Variants in RAD54B observed in about 807,000 individuals in gnomAD.
The protein encoded by RAD54B is DNA repair and recombination protein RAD54B.
A neutral mutation model predicts 95.8 loss-of-function variants in RAD54B; 78 were observed. The ratio of observed to expected loss-of-function variants is 0.81; its 90% CI spans 0.68 to 0.98. RAD54B has a LOEUF of 0.98. RAD54B is among the 50% of genes least tolerant of loss of function. The pLI is 0.00. For missense variants in RAD54B, 957 were observed against 1,056.6 expected (o/e 0.91, Z 1.31); for synonymous variants, 328 against 354.9 (o/e 0.92, Z 0.85).
chr8:94,406,839 C>T (rs775334598), intron 5 of RAD54B, among the ~76,000 whole-genome samples: 3 of 152,026 alleles, frequency 2.0e-5, no homozygotes, highest in Non-Finnish European at 4.4e-5. Flanking sequence ...ATCTTTAGGC[C>T]CAACCCATAA....
At position 94,407,449 on chromosome 8, in the gene RAD54B, TG is replaced by T. The variant is rs1474810597; in HGVS notation, c.770del (p.Pro257HisfsTer30). The T allele has an allele frequency of 6.2e-6, 10 of 1,610,996 alleles. No homozygotes were observed. Among genetic ancestry groups the T allele is most frequent in the Non-Finnish European group, 7.6e-6 (9 of 1,177,586 alleles). ...TTTTTAAAATCTTACTTGGCGTATA[TG>T]GGTCATGGCGTGGTTTGCAATTTTG... ...DFQNCKPRHD[P>X]YTPNSLVMPR... On this transcript the variant is annotated frameshift_variant, in exon 5 of 15. Coordinates refer to ENST00000336148, the MANE Select transcript of RAD54B (RefSeq NM_012415.3). LOFTEE classifies it high-confidence loss of function.
At chr8:94,407,825 T>C (rs1352902964) in intron 4 of RAD54B, 105 bp from the exon 5 acceptor site, 3 of 864,194 alleles carry the variant, frequency 3.5e-6, no homozygotes, top group Non-Finnish European at 5.1e-6. Flanking sequence ...TAGTCTTATA[T>C]AATGCATTAG....
intron 10 of RAD54B, among the ~76,000 whole-genome samples, chr8:94,389,766 T>C (rs967769268): frequency 2.0e-5 from 3 of 152,202 alleles, no homozygotes; most frequent in African/African-American, 4.8e-5. Flanking sequence ...TTATTTGCTA[T>C]GAAGTTAGAG....
At chr8:94,374,204 G>A (rs1027420809) in intron 14 of RAD54B, among the ~76,000 whole-genome samples, 1 of 151,952 alleles carries the variant, frequency 6.6e-6, no homozygotes, top group African/African-American at 2.4e-5. Context: ...GCGTTAACCC[G>A]GGAGGCGGAG....
chr8:94,407,729 T>A lies in RAD54B; in HGVS notation c.500-9A>T. ...GAATTTATAACCAATGCCTTTAAGT[T>A]AAGAAAGAAAAAAATTAATTGACAC... is the stretch of plus-strand genomic sequence containing the variant. On this transcript the variant is annotated splice_polypyrimidine_tract_variant and intron_variant, in intron 4 of 14. Transcript: ENST00000336148. 6.3e-7 allele frequency: 1 copy of A among 1,597,616 alleles called. No individual in the cohort carries two copies. Among genetic ancestry groups the A allele is most frequent in the African/African-American group, 1.4e-5 (1 of 73,968 alleles).
chr8:94,444,967 C>T (rs1182809730), intron 3 of RAD54B, among the ~76,000 whole-genome samples: 2 of 152,154 alleles, frequency 1.3e-5, no homozygotes, highest in Admixed American at 6.5e-5. Flanking sequence ...TAACTGTCAG[C>T]GAGCAGGCAC....
chr8:94,473,740 A>G (rs1481758873), intron 1 of RAD54B, among the ~76,000 whole-genome samples: 1 of 151,988 alleles, frequency 6.6e-6, no homozygotes, highest in Non-Finnish European at 1.5e-5. Context: ...AAGTACACCA[A>G]CTCTACCAAG....
intron 11 of RAD54B, among the ~76,000 whole-genome samples, chr8:94,383,516 GAA>G (rs1222856834): frequency 3.3e-5 from 5 of 152,184 alleles, no homozygotes; most frequent in South Asian, 2.1e-4. Context: ...TTTTGAGAAA[GAA>G]AGAGAGGATG....
intron 10 of RAD54B, among the ~76,000 whole-genome samples, chr8:94,388,490 C>T (rs746973902): frequency 2.0e-5 from 3 of 152,122 alleles, no homozygotes; most frequent in Non-Finnish European, 4.4e-5. Flanking sequence ...AAAAGTCATA[C>T]AAGTTATAAA....
chr8:94,406,563 G>A (rs894940184), intron 5 of RAD54B, among the ~76,000 whole-genome samples: 1 of 152,144 alleles, frequency 6.6e-6, no homozygotes, highest in Admixed American at 6.5e-5. Flanking sequence ...TTGTATTTAG[G>A]TAAGTCGGTT....
Position 94,431,770 on chromosome 8 carries a change from T to G in RAD54B, c.305-20455A>C, listed in dbSNP as rs145335923. 347 of 996,336 alleles carry G rather than the reference T, an allele frequency of 3.5e-4. 2 individuals carry two copies. The African/African-American group carries it at 5.7e-3, about 16-fold the overall frequency. 61.7% of individuals were successfully genotyped at this position (996,336 alleles called of 1,614,324 possible). On this transcript the variant is annotated intron_variant, in intron 3 of 14. Transcript: ENST00000336148. ...CTCCTAAATTAGACTGACTTAAAAA[T>G]CTCTAATTATAGCTTTCAAAGTTCT...
chr8:94,468,501 G>C (rs1178502612), intron 1 of RAD54B, among the ~76,000 whole-genome samples: 1 of 151,004 alleles, frequency 6.6e-6, no homozygotes, highest in Non-Finnish European at 1.5e-5. Flanking sequence ...TTGAACCTAG[G>C]AGCTTCGTCT....
At chr8:94,430,052 G>A in intron 3 of RAD54B, 2 of 983,088 alleles carry the variant, frequency 2.0e-6, no homozygotes, top group Non-Finnish European at 1.2e-6. Flanking sequence ...GGTGGCTCAA[G>A]CCTGTAATCC....
At chr8:94,382,820 T>C (rs936350342) in intron 11 of RAD54B, among the ~76,000 whole-genome samples, 3 of 152,210 alleles carry the variant, frequency 2.0e-5, no homozygotes, top group Non-Finnish European at 4.4e-5. Flanking sequence ...TCTTTCCTGC[T>C]ACTCTGTGAA....
At chr8:94,464,575 A>G (rs1407568476) in intron 2 of RAD54B, among the ~76,000 whole-genome samples, 1 of 152,220 alleles carries the variant, frequency 6.6e-6, no homozygotes, top group African/African-American at 2.4e-5. Context: ...AATTCCTGAT[A>G]AAAAGTTTCT....
rs75947012 is a variant in RAD54B, at chr8:94,430,731, C to T, written c.305-19416G>A. ...TTTTAAAAGCATTTTGTGTTATTTG[C>T]AAACATTTTAAAATTGGAAGATTCC... On this transcript the variant is annotated intron_variant, in intron 3 of 14. Transcript: ENST00000336148. 3,046 of 960,844 alleles carry T rather than the reference C, an allele frequency of 3.2e-3. 65 individuals are homozygous for T. The African/African-American group carries it at 0.05, about 16-fold the overall frequency. The allele number at this position is 960,844 out of a possible 1,614,324, so 59.5% of individuals were successfully genotyped here. A position where few individuals can be genotyped will look rare whatever the true frequency, so the allele number is the denominator to read the frequency against.
At position 94,386,975 on chromosome 8, in the gene RAD54B, C is replaced by T. The variant is rs1435439136; in HGVS notation, c.1985+9G>A. On this transcript the variant is annotated intron_variant, in intron 11 of 14. Coordinates refer to ENST00000336148, the MANE Select transcript of RAD54B (RefSeq NM_012415.3). ...ATGAGCACTTATAAGTTTGTTAAAT[C>T]GATCTTACTTTTCAGTAGGTCGAAG... is the stretch of plus-strand genomic sequence containing the variant. The T allele has an allele frequency of 7.0e-6, 11 of 1,581,740 alleles. No individual in the cohort carries two copies. In the East Asian group the frequency reaches 1.4e-4, roughly 20 times the overall value.
At chr8:94,430,836 T>C in intron 3 of RAD54B, 1 of 985,450 alleles carries the variant, frequency 1.0e-6, no homozygotes, top group Non-Finnish European at 1.2e-6. Context: ...CCCTACCTAG[T>C]CCAGGGAGAT....
At chr8:94,401,607 C>G (rs1233039223) in intron 6 of RAD54B, among the ~76,000 whole-genome samples, 1 of 152,144 alleles carries the variant, frequency 6.6e-6, no homozygotes, top group Non-Finnish European at 1.5e-5. Context: ...TTTTTGACTA[C>G]ACAGTGGGTC....
Sources: allele counts gnomAD v4.1 joint callset (sites outside exome capture counted in the v4.1 genomes callset), GRCh38; gene constraint gnomAD v4.1.1; transcripts MANE v1.5; gene names NCBI Gene and HGNC (gene_info 2026-07-23, HGNC 2026-07-21).